The following BLK variants were observed in gnomAD, a reference collection of about 807,000 sequenced individuals.
BLK encodes the protein BLK proto-oncogene, Src family tyrosine kinase.
BLK carries 64 observed loss-of-function variants against 61.8 expected under a neutral mutation model. That is an observed-to-expected ratio of 1.03 (90% confidence interval 0.85 to 1.27). BLK has a LOEUF of 1.27. Among genes scored for constraint, BLK ranks in the 50% most tolerant of loss-of-function variants. BLK has a pLI of 0.00. For synonymous variants in BLK, 351 were observed against 272.0 expected, an observed-to-expected ratio of 1.29 and a Z score of -2.86; for missense variants, 853 against 660.5, an observed-to-expected ratio of 1.29 and a Z score of -3.19.
At chr8:11,563,855 C>T in intron 12 of BLK, 48 bp from the exon 13 acceptor site, 1 of 1,554,940 alleles carries the variant, frequency 6.4e-7, no homozygotes. Flanking sequence ...CCCCCACCCA[C>T]CGAGGACCCC....
At chr8:11,506,722 G>A (rs1054269032) in intron 1 of BLK, among the ~76,000 whole-genome samples, 11 of 152,134 alleles carry the variant, frequency 7.2e-5, no homozygotes, top group African/African-American at 2.7e-4. Context: ...AGTCCATGCA[G>A]GGGGCTGCTA....
chr8:11,552,779 G>C (rs1804022637), intron 6 of BLK: 1 of 152,210 alleles, frequency 6.6e-6, no homozygotes, highest in South Asian at 2.1e-4. Context: ...TTCTCTATGA[G>C]TCTGGCATCT....
intron 1 of BLK, among the ~76,000 whole-genome samples, chr8:11,508,894 G>A (rs369423629): frequency 1.3e-5 from 2 of 152,294 alleles, no homozygotes; most frequent in Admixed American, 6.5e-5. Flanking sequence ...CGAGGGAGGT[G>A]CCTGCCCATC....
Position 11,564,258 on chromosome 8 carries a change from C to A in BLK, c.*150C>A. ...GGGCAGAGGCAGCTTCGCAGGGGGT[C>A]CCCGGACGGACTCCTTCACCGACTG... On this transcript the variant is annotated 3_prime_UTR_variant, in exon 13 of 13. Transcript: ENST00000259089. 2.1e-6 allele frequency: 2 copies of A among 959,296 alleles called. No homozygotes were observed. The highest frequency in any genetic ancestry group is 3.2e-6 in the Non-Finnish European group (2 of 624,250). The allele number at this position is 959,296 out of a possible 1,614,324, so 59.4% of individuals were successfully genotyped here.
chr8:11,538,334 C>T (rs1034608630), intron 1 of BLK, among the ~76,000 whole-genome samples: 6 of 152,188 alleles, frequency 3.9e-5, no homozygotes, highest in African/African-American at 1.4e-4. Flanking sequence ...CTGCTGGGTG[C>T]AGCCCGAGCA....
At chr8:11,545,286 C>T (rs1033227884) in intron 2 of BLK, among the ~76,000 whole-genome samples, 19 of 152,306 alleles carry the variant, frequency 1.2e-4, no homozygotes, top group Middle Eastern at 3.4e-3. Flanking sequence ...TGATGGCTCA[C>T]GCCTGTAATC....
rs113346755 is a variant in BLK, at chr8:11,543,123, C to T, written c.-1-101C>T. On this transcript the variant is annotated intron_variant, in intron 1 of 12. Coordinates refer to ENST00000259089, the MANE Select transcript of BLK (RefSeq NM_001715.3). Reference sequence around the variant, plus strand: ...TTTGCTGCACCCACTTCCACCCCACCTTTCTAACCAGCCTCCCGGAAGGGG... The same window carrying T: ...TTTGCTGCACCCACTTCCACCCCACTTTTCTAACCAGCCTCCCGGAAGGGG... The T allele has an allele frequency of 2.5e-6, 4 of 1,590,600 alleles. No homozygotes were observed. In the African/African-American group the frequency reaches 5.4e-5, roughly 21 times the overall value.
intron 10 of BLK, 99 bp from the exon 11 acceptor site, chr8:11,561,203 C>T: frequency 1.3e-6 from 2 of 1,504,192 alleles, no homozygotes; most frequent in Non-Finnish European, 1.8e-6. Flanking sequence ...ACAGCTCCTT[C>T]CCCAGCAGCC....
At chr8:11,534,986 C>A (rs529848702) in intron 1 of BLK, among the ~76,000 whole-genome samples, 1 of 152,232 alleles carries the variant, frequency 6.6e-6, no homozygotes, top group African/African-American at 2.4e-5. Context: ...CCAGCCTGGG[C>A]AACATGATGA....
At chr8:11,514,334 G>A (rs998752457) in intron 1 of BLK, among the ~76,000 whole-genome samples, 1 of 152,228 alleles carries the variant, frequency 6.6e-6, no homozygotes, top group Non-Finnish European at 1.5e-5. Flanking sequence ...TCCTTTGCGA[G>A]AGAGAGGCAA....
intron 2 of BLK, among the ~76,000 whole-genome samples, chr8:11,544,114 G>A (rs1410611570): frequency 6.6e-6 from 1 of 152,056 alleles, no homozygotes; most frequent in East Asian, 1.9e-4. Flanking sequence ...AGGCACACAT[G>A]CCACCACACC....
chr8:11,528,195 C>G (rs995953060), intron 1 of BLK, among the ~76,000 whole-genome samples: 2 of 152,090 alleles, frequency 1.3e-5, no homozygotes, highest in African/African-American at 4.8e-5. Flanking sequence ...TGCCTCCATG[C>G]CTGGCTAATT....
At chr8:11,505,811 G>A (rs1171730379) in intron 1 of BLK, among the ~76,000 whole-genome samples, 1 of 152,134 alleles carries the variant, frequency 6.6e-6, no homozygotes, top group East Asian at 1.9e-4. Flanking sequence ...CAAGCACGCT[G>A]GGCCCATCTG....
Position 11,564,291 on chromosome 8 carries a change from G to T in BLK, c.*183G>T. ...GGACTCCTTCACCGACTGCACCCCC[G>T]GGCGAGTTACGCGGCCTCTCTGTGC... On this transcript the variant is annotated 3_prime_UTR_variant, in exon 13 of 13. Coordinates refer to ENST00000259089, the MANE Select transcript of BLK (RefSeq NM_001715.3). The T allele has an allele frequency of 1.3e-6, 1 of 766,170 alleles. No individual in the cohort carries two copies. Among genetic ancestry groups the T allele is most frequent in the Non-Finnish European group, 2.2e-6 (1 of 445,736 alleles). The allele number at this position is 766,170 out of a possible 1,614,324, so 47.5% of individuals were successfully genotyped here. A position where few individuals can be genotyped will look rare whatever the true frequency, so the allele number is the denominator to read the frequency against.
chr8:11,530,187 G>A (rs1799829017), intron 1 of BLK, among the ~76,000 whole-genome samples: 1 of 152,104 alleles, frequency 6.6e-6, no homozygotes, highest in Non-Finnish European at 1.5e-5. Flanking sequence ...TTTTCATAAG[G>A]AATCTCAGAT....
At chr8:11,563,587 G>T (rs1801590122) in intron 12 of BLK, among the ~76,000 whole-genome samples, 1 of 152,208 alleles carries the variant, frequency 6.6e-6, no homozygotes, top group Admixed American at 6.5e-5. Context: ...AGCTGCCCAT[G>T]AGTGATGGGC....
At chr8:11,532,501 A>G (rs574164892) in intron 1 of BLK, among the ~76,000 whole-genome samples, 2 of 151,170 alleles carry the variant, frequency 1.3e-5, no homozygotes, top group African/African-American at 2.4e-5. Flanking sequence ...ATGAGCCGCC[A>G]CTTCTGGCCT....
intron 1 of BLK, among the ~76,000 whole-genome samples, chr8:11,513,059 T>C (rs960179031): frequency 6.6e-6 from 1 of 152,240 alleles, no homozygotes; most frequent in African/African-American, 2.4e-5. Context: ...CAAGAGTCTC[T>C]TGAAGTTCTT....
intron 5 of BLK, among the ~76,000 whole-genome samples, chr8:11,549,790 GC>G: frequency 6.6e-6 from 1 of 152,256 alleles, no homozygotes; most frequent in Non-Finnish European, 1.5e-5. Flanking sequence ...GAGAGTCTCG[GC>G]AGTTTGCCTA....
Sources: gnomAD v4.1 joint callset for allele counts (sites outside exome capture counted in the v4.1 genomes callset) on GRCh38, gnomAD v4.1.1 for gene constraint, MANE v1.5 for transcripts, NCBI Gene and HGNC (gene_info 2026-07-23, HGNC 2026-07-21) for gene names.